WHAMM: variants seen among roughly 807,000 people sequenced by gnomAD.
The protein encoded by WHAMM is WASP homolog-associated protein with actin, membranes and microtubules.
In WHAMM, 67 loss-of-function variants were observed where a neutral mutation model predicts 76.5. The ratio of observed to expected loss-of-function variants is 0.88; its 90% CI spans 0.72 to 1.07. The LOEUF is 1.07. Among genes scored for constraint, WHAMM ranks in the 50% least tolerant of loss-of-function variants. WHAMM has a pLI of 0.00. For missense variants in WHAMM, 1,021 were observed against 1,051.1 expected, an observed-to-expected ratio of 0.97 and a Z score of 0.40; for synonymous variants, 419 against 422.1, an observed-to-expected ratio of 0.99 and a Z score of 0.09.
rs577139349 is a variant in WHAMM at position 82,813,131 on chromosome 15, C to G, written c.638C>G (p.Thr213Ser). 5.6e-5 allele frequency: 90 copies of G among 1,608,004 alleles called. 1 individual carries two copies. The Admixed American group carries it at 1.4e-3, about 26-fold the overall frequency. ...QVIQGHGKAN[T>S]MVALMNVYQE... ...ATTCAAGGACACGGAAAAGCCAACA[C>G]CATGGTAGCATTAATGAACGTTTAC... Residue 213 changes from threonine (T) to serine (S), a missense_variant, in exon 2 of 10, where the codon ACC (threonine) becomes AGC (serine). Around this residue, in one of 3 missense-constraint regions of WHAMM, gnomAD observed 501 missense variants for 524.9 expected, o/e 0.95. Transcript: ENST00000286760.
intron 1 of WHAMM, chr15:82,810,599 T>C (rs1317913700): frequency 4.1e-6 from 4 of 985,304 alleles, no homozygotes; most frequent in Non-Finnish European, 4.8e-6. Context: ...CCCCCAACTT[T>C]TGCCCTGAAG....
In WHAMM at chr15:82,835,956, A is replaced by T. The variant is rs979775377; in HGVS notation, c.*2420A>T. On this transcript the variant is annotated 3_prime_UTR_variant, in exon 10 of 10. Coordinates refer to ENST00000286760, the MANE Select transcript of WHAMM (RefSeq NM_001080435.3). The stretch of plus-strand genomic sequence containing the variant: ...AGTTTGGCATTGTTTGTAATTACGT[A>T]TTTATAATTTCAGTATTTTGAGATA... 6.6e-6 allele frequency: 1 copy of T among 152,196 alleles called. No individual in the cohort carries two copies. Among genetic ancestry groups the T allele is most frequent in the African/African-American group, 2.4e-5 (1 of 41,444 alleles). The allele number at this position is 152,196 out of a possible 1,614,324, so 9.4% of individuals were successfully genotyped here. A position where few individuals can be genotyped will look rare whatever the true frequency, so the allele number is the denominator to read the frequency against.
In WHAMM at chr15:82,833,967, C is replaced by A. The variant is rs1360869605; in HGVS notation, c.*431C>A. The A allele has an allele frequency of 6.1e-6, 1 of 165,280 alleles. No individual in the cohort carries two copies. Among genetic ancestry groups the A allele is most frequent in the African/African-American group, 2.4e-5 (1 of 41,636 alleles). The allele number at this position is 165,280 out of a possible 1,614,324, so 10.2% of individuals were successfully genotyped here. ...TGTTAGCCAGGATGGTCTCGATCTT[C>A]TGACCTCGTGATCCGCCTGCCTCAG... On this transcript the variant is annotated 3_prime_UTR_variant, in exon 10 of 10. Coordinates refer to ENST00000286760, the MANE Select transcript of WHAMM (RefSeq NM_001080435.3).
chr15:82,816,933 CTA>C, intron 3 of WHAMM, 91 bp downstream of exon 3: 3 of 1,273,192 alleles, frequency 2.4e-6, no homozygotes, highest in Non-Finnish European at 3.2e-6. Context: ...GCACTAGGTA[CTA>C]TGTTTTCTAG....
At chr15:82,812,089 C>T (rs2050637902) in intron 1 of WHAMM, among the ~76,000 whole-genome samples, 1 of 152,150 alleles carries the variant, frequency 6.6e-6, no homozygotes, top group Admixed American at 6.5e-5. Context: ...AAGCAGTAAC[C>T]AGCAGAGACT....
At position 82,833,603 on chromosome 15, in the gene WHAMM, G is replaced by A. The variant is rs1567000869; in HGVS notation, c.*67G>A. 1.3e-5 allele frequency: 20 copies of A among 1,525,506 alleles called. No homozygotes were observed. Among genetic ancestry groups the A allele is most frequent in the Middle Eastern group, 2.2e-4 (1 of 4,600 alleles). The allele number at this position is 1,525,506 out of a possible 1,614,324, so 94.5% of individuals were successfully genotyped here. A position where few individuals can be genotyped will look rare whatever the true frequency, so the allele number is the denominator to read the frequency against. ...AAAGTGGGTGAGTCTTAGACCTATC[G>A]AAAAGCATACTAACAGGGTGCTGAT... On this transcript the variant is annotated 3_prime_UTR_variant, in exon 10 of 10. Coordinates refer to ENST00000286760, the MANE Select transcript of WHAMM (RefSeq NM_001080435.3).
chr15:82,816,830 A>C lies in WHAMM; in HGVS notation c.922A>C (p.Lys308Gln). ...ITVNYFKETV[K>Q]ALAGMQKEME... ...AGTGAATTATTTTAAGGAGACAGTA[A>C]AAGCATTAGCAGGTGATAATTTAAA... The change falls in exon 3 of 10, where the codon AAA becomes CAA. Residue 308 changes from lysine to glutamine, a missense_variant. Physicochemically the swap from Lys to Gln is moderately conservative, Grantham distance 53 (BLOSUM62 1). Coordinates refer to ENST00000286760, the MANE Select transcript of WHAMM (RefSeq NM_001080435.3). The C allele has an allele frequency of 6.4e-7, 1 of 1,561,322 alleles. No individual in the cohort carries two copies. The highest frequency in any genetic ancestry group is 8.7e-7 in the Non-Finnish European group (1 of 1,152,364).
At chr15:82,816,341 C>T (rs536036942) in intron 2 of WHAMM, among the ~76,000 whole-genome samples, 1 of 152,258 alleles carries the variant, frequency 6.6e-6, no homozygotes, top group East Asian at 1.9e-4. Context: ...GTGTTCCAGG[C>T]CCTATGCTGA....
At position 82,836,077 on chromosome 15, in the gene WHAMM, G is replaced by A. The variant is rs566800778; in HGVS notation, c.*2541G>A. 1 of 152,208 alleles carries A rather than the reference G, an allele frequency of 6.6e-6. No homozygotes were observed. Among genetic ancestry groups the A allele is most frequent in the African/African-American group, 2.4e-5 (1 of 41,450 alleles). 9.4% of individuals were successfully genotyped at this position (152,208 alleles called of 1,614,324 possible). A position where few individuals can be genotyped will look rare whatever the true frequency, so the allele number is the denominator to read the frequency against. The stretch of plus-strand genomic sequence containing the variant: ...TTTGAAAAAAGGATCCTTTTCAAAA[G>A]AACGTTCTCACAATAAAAATTCCTG... On this transcript the variant is annotated 3_prime_UTR_variant, in exon 10 of 10. Coordinates refer to ENST00000286760, the MANE Select transcript of WHAMM (RefSeq NM_001080435.3).
intron 1 of WHAMM, chr15:82,810,725 G>T: frequency 1.0e-6 from 1 of 985,468 alleles, no homozygotes; most frequent in Non-Finnish European, 1.2e-6. Context: ...CAATTCCTGT[G>T]TATGAGGGGA....
Position 82,833,587 on chromosome 15 carries a change from G to A in WHAMM, c.*51G>A. 6.3e-7 allele frequency: 1 copy of A among 1,586,394 alleles called. No individual in the cohort carries two copies. Among genetic ancestry groups the A allele is most frequent in the Non-Finnish European group, 8.6e-7 (1 of 1,167,930 alleles). ...CACAGTAGGCTTGAATAAAGTGGGT[G>A]AGTCTTAGACCTATCGAAAAGCATA... On this transcript the variant is annotated 3_prime_UTR_variant, in exon 10 of 10. Coordinates refer to ENST00000286760, the MANE Select transcript of WHAMM (RefSeq NM_001080435.3).
At chr15:82,819,208 G>A (rs1203075294) in intron 4 of WHAMM, 115 bp from the exon 5 acceptor site, 13 of 365,168 alleles carry the variant, frequency 3.6e-5, no homozygotes, top group Non-Finnish European at 5.8e-5. Flanking sequence ...TTTCCTATTT[G>A]CTTTGTTATA....
At chr15:82,820,152 T>C (rs2050795053) in intron 5 of WHAMM, among the ~76,000 whole-genome samples, 1 of 152,242 alleles carries the variant, frequency 6.6e-6, no homozygotes, top group South Asian at 2.1e-4. Context: ...TAACATCTTT[T>C]TAAACAATTT....
intron 3 of WHAMM, among the ~76,000 whole-genome samples, chr15:82,817,556 C>CG (rs1208194653): frequency 6.6e-6 from 1 of 151,984 alleles, no homozygotes; most frequent in African/African-American, 2.4e-5. Context: ...GTTTCTGATA[C>CG]ATTGTGCAGA....
intron 8 of WHAMM, among the ~76,000 whole-genome samples, 196 bp from the exon 9 acceptor site, chr15:82,830,403 G>T (rs1356220513): frequency 6.6e-6 from 1 of 151,950 alleles, no homozygotes; most frequent in East Asian, 1.9e-4. Flanking sequence ...TTGATCAAAG[G>T]ATATAAATGC....
rs1409232848 is a variant in WHAMM at position 82,833,608 on chromosome 15, G to C, written c.*72G>C. The C allele has an allele frequency of 1.3e-6, 2 of 1,510,056 alleles. No homozygotes were observed. The highest frequency in any genetic ancestry group is 1.2e-5 in the South Asian group (1 of 80,488). The allele number at this position is 1,510,056 out of a possible 1,614,324, so 93.5% of individuals were successfully genotyped here. On this transcript the variant is annotated 3_prime_UTR_variant, in exon 10 of 10. Transcript: ENST00000286760. ...GGGTGAGTCTTAGACCTATCGAAAA[G>C]CATACTAACAGGGTGCTGATAGATG... is the stretch of plus-strand genomic sequence containing the variant.
chr15:82,833,825 C>T lies in WHAMM; in HGVS notation c.*289C>T, dbSNP rs1041469163. 18 of 339,258 alleles carry T rather than the reference C, an allele frequency of 5.3e-5. No homozygotes were observed. The Admixed American group carries it at 5.7e-4, about 11-fold the overall frequency. 21.0% of individuals were successfully genotyped at this position (339,258 alleles called of 1,614,324 possible). ...TGCGATCTTGGCTCACTGCAAGCTCCGCCTCCTGGGTTCACGCCATTCTCC... is the reference window on the plus strand; with the variant it reads ...TGCGATCTTGGCTCACTGCAAGCTCTGCCTCCTGGGTTCACGCCATTCTCC... On this transcript the variant is annotated 3_prime_UTR_variant, in exon 10 of 10. Coordinates refer to ENST00000286760, the MANE Select transcript of WHAMM (RefSeq NM_001080435.3).
chr15:82,817,009 T>TTAA (rs1232256564), intron 3 of WHAMM, among the ~76,000 whole-genome samples, 167 bp downstream of exon 3: 1 of 152,188 alleles, frequency 6.6e-6, no homozygotes, highest in Non-Finnish European at 1.5e-5. Flanking sequence ...GAGAGAAATC[T>TTAA]TAATTATCTA....
intron 8 of WHAMM, among the ~76,000 whole-genome samples, chr15:82,828,470 T>C (rs1004170825): frequency 6.6e-6 from 1 of 152,112 alleles, no homozygotes; most frequent in South Asian, 2.1e-4. Flanking sequence ...GAATACCAGA[T>C]GAACACAGAG....
Sources: allele counts gnomAD v4.1 joint callset (sites outside exome capture counted in the v4.1 genomes callset), GRCh38; gene constraint gnomAD v4.1.1; regional missense constraint gnomAD v4.1.1; transcripts MANE v1.5; gene names NCBI Gene and HGNC (gene_info 2026-07-23, HGNC 2026-07-21).